FRY: variants seen among roughly 807,000 people sequenced by gnomAD.
FRY encodes the protein FRY microtubule binding protein, also known as protein furry homolog.
Under a neutral mutation model 348.4 loss-of-function variants are expected in FRY, and 128 were observed. That is an observed-to-expected ratio of 0.37 (90% CI 0.32 to 0.43). The LOEUF (loss-of-function observed/expected upper bound fraction) is 0.43. FRY is among the 20% of genes least tolerant of loss of function. FRY has a pLI of 1.00. For synonymous variants in FRY, 1,370 were observed against 1,374.7 expected, an observed-to-expected ratio of 1.00 and a Z score of 0.08; for missense variants, 2,736 against 3,695.2, an observed-to-expected ratio of 0.74 and a Z score of 6.73.
At chr13:32,070,547 T>C (rs400342) in intron 1 of FRY, among the ~76,000 whole-genome samples, 101,812 of 149,966 alleles carry the variant, frequency 0.68, 34,787 homozygotes, top group Non-Finnish European at 0.69. Flanking sequence ...CCTTTGCCCA[T>C]TTTTTGATGG....
chr13:32,040,598 T>C (rs1011476299), intron 1 of FRY, among the ~76,000 whole-genome samples: 7 of 152,336 alleles, frequency 4.6e-5, no homozygotes, highest in African/African-American at 1.7e-4. Flanking sequence ...TGCTTTTCAG[T>C]ATTCTGAATA....
intron 14 of FRY, among the ~76,000 whole-genome samples, chr13:32,150,813 C>A (rs1167078492): frequency 1.3e-5 from 2 of 152,174 alleles, no homozygotes; most frequent in Non-Finnish European, 2.9e-5. Context: ...GCAGAGGGGA[C>A]CCAGGTCCCT....
At chr13:32,268,500 AAAAAAATATAT>A (rs1172264000) in intron 55 of FRY, among the ~76,000 whole-genome samples, 19 of 19,000 alleles carry the variant, frequency 1.0e-3, no homozygotes, top group African/African-American at 2.0e-3. Flanking sequence ...AAAAAAAAAA[AAAAAAATATAT>A]ATATATATAT....
At chr13:32,121,252 C>G (rs567728376) in intron 4 of FRY, among the ~76,000 whole-genome samples, 2 of 152,128 alleles carry the variant, frequency 1.3e-5, no homozygotes, top group Non-Finnish European at 2.9e-5. Context: ...GTATCTTTTT[C>G]GAATAATGAC....
At chr13:32,096,493 T>G (rs1042253325) in intron 2 of FRY, among the ~76,000 whole-genome samples, 9 of 152,104 alleles carry the variant, frequency 5.9e-5, no homozygotes, top group African/African-American at 2.2e-4. Context: ...AAGAATATGA[T>G]TAAGACAGTA....
Position 32,199,168 on chromosome 13 carries a change from G to GGCT in FRY, c.3747-2765_3747-2763dup, listed in dbSNP as rs1487109236. On this transcript the variant is annotated intron_variant, in intron 29 of 60. Coordinates refer to ENST00000542859, the MANE Select transcript of FRY (RefSeq NM_023037.3). ...AAGAAACCTCAGTCATTCCCACTGG[G>GGCT]GCTGCTGCTGGGGAACAGATATGAC... Among the ~76,000 whole-genome samples, 78 of 152,168 alleles carry GGCT rather than the reference G, an allele frequency of 5.1e-4. 3 individuals are homozygous for GGCT. The highest frequency in any genetic ancestry group is 1.5e-4 in the Non-Finnish European group (10 of 68,030).
At chr13:32,282,418 T>C (rs1166228989) in intron 58 of FRY, among the ~76,000 whole-genome samples, 1 of 152,240 alleles carries the variant, frequency 6.6e-6, no homozygotes, top group Non-Finnish European at 1.5e-5. Context: ...ATCTGTTCTA[T>C]TTCAAAGAAG....
chr13:32,216,579 A>G (rs779032382), intron 35 of FRY, among the ~76,000 whole-genome samples: 1 of 152,180 alleles, frequency 6.6e-6, no homozygotes, highest in Non-Finnish European at 1.5e-5. Context: ...GGCGCTCTCC[A>G]CCCGACGGAA....
intron 59 of FRY, among the ~76,000 whole-genome samples, chr13:32,292,717 G>A (rs993544654): frequency 3.3e-5 from 5 of 151,932 alleles, no homozygotes; most frequent in African/African-American, 9.7e-5. Context: ...ACTTGAACCC[G>A]GGAGGAGGAG....
intron 55 of FRY, among the ~76,000 whole-genome samples, chr13:32,269,712 A>G (rs896029560): frequency 4.6e-5 from 7 of 151,344 alleles, no homozygotes; most frequent in African/African-American, 1.7e-4. Context: ...AAAAAAAAAG[A>G]TAACTTATTA....
chr13:32,234,874 T>C, intron 42 of FRY, 113 bp downstream of exon 42: 1 of 825,738 alleles, frequency 1.2e-6, no homozygotes, highest in East Asian at 2.6e-5. Flanking sequence ...CATCTGGACA[T>C]GTACAATATA....
Position 32,251,796 on chromosome 13 carries a change from C to G in FRY, c.7171-82C>G. 5 of 835,250 alleles carry G rather than the reference C, an allele frequency of 6.0e-6. No individual in the cohort carries two copies. The South Asian group carries it at 6.6e-5, about 11-fold the overall frequency. The allele number at this position is 835,250 out of a possible 1,614,324, so 51.7% of individuals were successfully genotyped here. A position where few individuals can be genotyped will look rare whatever the true frequency, so the allele number is the denominator to read the frequency against. On this transcript the variant is annotated intron_variant, in intron 49 of 60. Coordinates refer to ENST00000542859, the MANE Select transcript of FRY (RefSeq NM_023037.3). ...TGTCTATACGTTAAGTGCTATTGCCCTGTATGGCTAGTGGCTAGAAAATTA... is the reference window on the plus strand; with the variant it reads ...TGTCTATACGTTAAGTGCTATTGCCGTGTATGGCTAGTGGCTAGAAAATTA...
chr13:32,073,818 C>A (rs890906207), intron 1 of FRY, among the ~76,000 whole-genome samples: 1 of 152,186 alleles, frequency 6.6e-6, no homozygotes, highest in African/African-American at 2.4e-5. Flanking sequence ...AACATCTACG[C>A]CACCATTAGC....
Position 32,072,613 on chromosome 13 carries a change from C to T in FRY, c.71-6221C>T, listed in dbSNP as rs573436798. On this transcript the variant is annotated intron_variant, in intron 1 of 60. Coordinates refer to ENST00000542859, the MANE Select transcript of FRY (RefSeq NM_023037.3). ...ATGCCATTTCTTAAGTTCCCTCATA[C>T]TTGCTTTAATGGACAATTTGTTATT... Among the ~76,000 whole-genome samples, 7 of 152,250 alleles carry T rather than the reference C, an allele frequency of 4.6e-5. No individual in the cohort carries two copies. In the East Asian group the frequency reaches 1.3e-3, roughly 29 times the overall value.
At chr13:32,074,793 G>A (rs982525504) in intron 1 of FRY, among the ~76,000 whole-genome samples, 4 of 152,234 alleles carry the variant, frequency 2.6e-5, no homozygotes, top group Non-Finnish European at 5.9e-5. Flanking sequence ...TAAAGATTCT[G>A]TCAGGATCCT....
Position 32,190,029 on chromosome 13 carries a change from A to G in FRY, c.3591+2373A>G, listed in dbSNP as rs1226192932. On this transcript the variant is annotated intron_variant, in intron 28 of 60. Transcript: ENST00000542859. The stretch of plus-strand genomic sequence containing the variant: ...ATGTCTGTCAGTTCATTCACATATT[A>G]ACTATATTCACAGAATCTCAAAAAC... Among the ~76,000 whole-genome samples, 6 of 152,042 alleles carry G rather than the reference A, an allele frequency of 3.9e-5. 1 individual carries two copies. The South Asian group carries it at 1.0e-3, about 26-fold the overall frequency.
Position 32,184,989 on chromosome 13 carries a change from C to G in FRY, c.3160C>G (p.Leu1054Val). ...CCTTTATTCCAGCACAAATGGAGCC[C>G]TAGAGCGGGATACTTTAGCCCTGGG... ...GVISDSTNGA[L>V]ERDTLALGAL... is the part of the protein sequence containing the mutation. The change falls in exon 26 of 61, where the codon CTA (leucine) becomes GTA (valine). Residue 1054 changes from leucine to valine, a missense_variant. Transcript: ENST00000542859. 1 of 1,613,882 alleles carries G rather than the reference C, an allele frequency of 6.2e-7. No individual in the cohort carries two copies. Among genetic ancestry groups the G allele is most frequent in the Non-Finnish European group, 8.5e-7 (1 of 1,179,832 alleles).
intron 51 of FRY, among the ~76,000 whole-genome samples, chr13:32,254,649 CACAA>C (rs1887244842): frequency 6.6e-6 from 1 of 152,014 alleles, no homozygotes. Context: ...TTAATGACCA[CACAA>C]AGACTGTATG....
intron 2 of FRY, among the ~76,000 whole-genome samples, chr13:32,093,174 T>C (rs1876446024): frequency 6.6e-6 from 1 of 152,174 alleles, no homozygotes; most frequent in African/African-American, 2.4e-5. Flanking sequence ...TTTCCATATG[T>C]ATCTCTAAAA....
Sources: gnomAD v4.1 joint callset for allele counts (sites outside exome capture counted in the v4.1 genomes callset) on GRCh38, gnomAD v4.1.1 for gene constraint, MANE v1.5 for transcripts, NCBI Gene and HGNC (gene_info 2026-07-23, HGNC 2026-07-21) for gene names.